The following TTN variants were observed in gnomAD, a reference collection of about 807,000 sequenced individuals.
The protein encoded by TTN is connectin.
Under a neutral mutation model 3,223.0 loss-of-function variants are expected in TTN, and 1,525 were observed. That is an observed-to-expected ratio of 0.47 (90% CI 0.45 to 0.49). The LOEUF is 0.49. Among genes scored for constraint, TTN ranks in the 20% least tolerant of loss-of-function variants. TTN has a pLI of 0.00. For missense variants in TTN, 40,786 were observed against 43,424.0 expected (o/e 0.94, Z 5.40); for synonymous variants, 14,094 against 15,161.0 (o/e 0.93, Z 5.17).
intron 130 of TTN, 78 bp downstream of exon 130, chr2:178,684,828 T>C: frequency 6.4e-7 from 1 of 1,555,636 alleles, no homozygotes; most frequent in Non-Finnish European, 8.8e-7. Flanking sequence ...TTCTGGTTAA[T>C]GTTTAAAAAA....
In TTN at chr2:178,614,768, A is replaced by G. The variant is rs936229626; in HGVS notation, c.48761-15T>C. ...TTCTGGGGCCTCTGAATTGGAAAAG[A>G]TTATTTATGATGTTATCAAGTTCAA... On this transcript the variant is annotated splice_polypyrimidine_tract_variant and intron_variant, in intron 260 of 362. Transcript: ENST00000589042. 1 of 1,603,206 alleles carries G rather than the reference A, an allele frequency of 6.2e-7. No homozygotes were observed.
chr2:178,710,911 G>A lies in TTN; in HGVS notation c.28186C>T (p.Pro9396Ser), dbSNP rs376627952. ...ARLILTEGKN[P>S]PFFDIRLAPV... ...GCAAGACGGATGTCAAAGAAGGGTG[G>A]GTTCTTCCCCTCTAATAGTAGAGCA... Residue 9396 changes from proline (P) to serine (S), a missense_variant, in exon 98 of 363, where the codon CCA (proline) becomes TCA (serine). Pro to Ser is a moderately conservative substitution (Grantham distance 74). Coordinates refer to ENST00000589042, the MANE Select transcript of TTN (RefSeq NM_001267550.2). The A allele has an allele frequency of 1.9e-6, 3 of 1,612,766 alleles. No homozygotes were observed. In the African/African-American group the frequency reaches 4.0e-5, roughly 22 times the overall value.
intron 157 of TTN, 132 bp from the exon 158 acceptor site, chr2:178,669,807 G>T: frequency 1.2e-6 from 1 of 834,938 alleles, no homozygotes; most frequent in Non-Finnish European, 1.9e-6. Flanking sequence ...TAAGTCAAAT[G>T]TAGTCATTGC....
In TTN at chr2:178,612,045, T is replaced by C; in HGVS notation, c.50354+12A>G. On this transcript the variant is annotated intron_variant, in intron 267 of 362. Transcript: ENST00000589042. ...GTGTAAGTTATTCTTTATGAATTAA[T>C]TCAAATTCTACCTCTGTATTGGTCT... 1 of 1,604,254 alleles carries C rather than the reference T, an allele frequency of 6.2e-7. No homozygotes were observed. The highest frequency in any genetic ancestry group is 8.5e-7 in the Non-Finnish European group (1 of 1,176,414).
At position 178,728,555 on chromosome 2, in the gene TTN, G is replaced by A; in HGVS notation, c.19371C>T (p.Phe6457=). The A allele has an allele frequency of 6.2e-7, 1 of 1,613,006 alleles. No homozygotes were observed. Among genetic ancestry groups the A allele is most frequent in the South Asian group, 1.1e-5 (1 of 91,002 alleles). Residue 6457 remains phenylalanine, a synonymous_variant, in exon 66 of 363, where the codon TTC becomes TTT. Coordinates refer to ENST00000589042, the MANE Select transcript of TTN (RefSeq NM_001267550.2). The part of the protein sequence containing the change: ...VMKQDSGQYT[F]KVENDFGSSS... ...TGCTTCCGAAGTCATTTTCCACCTT[G>A]AAAGTGTACTGACCGCTGTCCTGCT...
chr2:178,802,393 C>T, intron 2 of TTN, 52 bp from the exon 3 acceptor site: 1 of 1,569,444 alleles, frequency 6.4e-7, no homozygotes. Flanking sequence ...CCACAAAGTC[C>T]TCTGCTCTGT....
intron 47 of TTN, chr2:178,744,922 T>C (rs1264679412): frequency 1.0e-6 from 1 of 985,100 alleles, no homozygotes; most frequent in African/African-American, 1.7e-5. Context: ...GCACAATTGG[T>C]CCCTTGAAGC....
At position 178,618,837 on chromosome 2, in the gene TTN, C is replaced by T; in HGVS notation, c.46713G>A (p.Lys15571=). 6.2e-7 allele frequency: 1 copy of T among 1,609,650 alleles called. No homozygotes were observed. The highest frequency in any genetic ancestry group is 8.5e-7 in the Non-Finnish European group (1 of 1,178,420). ...CAACCACAAGGTCTTGGTCAGCTGT[C>T]TTGATTTTTGGTGCAGCTAGTGAGA... The part of the protein sequence containing the change: ...KLELAAAPKI[K]TADQDLVVDV... The change falls in exon 251 of 363, where the codon AAG becomes AAA. Residue 15571 remains lysine (K), a synonymous_variant. Transcript: ENST00000589042.
At chr2:178,717,461 C>T (rs2077660187) in intron 87 of TTN, 62 bp downstream of exon 87, 2 of 1,560,162 alleles carry the variant, frequency 1.3e-6, no homozygotes, top group South Asian at 1.2e-5. Context: ...TGGCACCAGC[C>T]TTTTGGTGGC....
chr2:178,636,250 A>G lies in TTN; in HGVS notation c.41330-9T>C. 1 of 1,524,258 alleles carries G rather than the reference A, an allele frequency of 6.6e-7. No individual in the cohort carries two copies. The highest frequency in any genetic ancestry group is 8.8e-7 in the Non-Finnish European group (1 of 1,136,098). 94.4% of individuals were successfully genotyped at this position (1,524,258 alleles called of 1,614,324 possible). A position where few individuals can be genotyped will look rare whatever the true frequency, so the allele number is the denominator to read the frequency against. ...AAAACGCACAGGAAGTTCTATGGAG[A>G]ATTTCAGTATATATTTCAATAAATA... On this transcript the variant is annotated splice_polypyrimidine_tract_variant and intron_variant, in intron 225 of 362. Coordinates refer to ENST00000589042, the MANE Select transcript of TTN (RefSeq NM_001267550.2). The surrounding 1 kb of genome is among the most constrained non-coding windows in gnomAD (Gnocchi z 4.3).
In TTN at chr2:178,583,859, A is replaced by T. The variant is rs2048324718; in HGVS notation, c.65323T>A (p.Ser21775Thr). 1 of 1,607,004 alleles carries T rather than the reference A, an allele frequency of 6.2e-7. No homozygotes were observed. The highest frequency in any genetic ancestry group is 8.5e-7 in the Non-Finnish European group (1 of 1,176,194). ...TGCTTTGGACGAGCCCAGATCAGAG[A>T]TACAGTACTCTTGGTGACATCAATA... is the stretch of plus-strand genomic sequence containing the variant. ...EVIDVTKSTV[S>T]LIWARPKHDG... Residue 21775 changes from serine to threonine, a missense_variant, in exon 312 of 363, where the codon TCT (serine) becomes ACT (threonine). Ser to Thr is a moderately conservative substitution (Grantham distance 58). Transcript: ENST00000589042.
chr2:178,756,942 A>G (rs2087208221), intron 45 of TTN, 145 bp from the exon 46 acceptor site: 2 of 737,006 alleles, frequency 2.7e-6, no homozygotes, highest in East Asian at 2.7e-5. Context: ...ATGCAATATG[A>G]TCTAGATGTC....
chr2:178,549,805 C>G lies in TTN; in HGVS notation c.91917G>C (p.Leu30639=), dbSNP rs758196170. Residue 30639 remains leucine (L), a synonymous_variant, in exon 338 of 363, where the codon CTG becomes CTC. Transcript: ENST00000589042. ...FTNITGEKMT[L]WWDAPLNDGC... The stretch of plus-strand genomic sequence containing the variant: ...CGTCATTGAGTGGGGCATCCCACCA[C>G]AGAGTCATCTTCTCCCCAGTAATAT... 4 of 1,608,138 alleles carry G rather than the reference C, an allele frequency of 2.5e-6. No individual in the cohort carries two copies. The highest frequency in any genetic ancestry group is 3.4e-6 in the Non-Finnish European group (4 of 1,175,476).
Position 178,534,591 on chromosome 2 carries a change from T to C in TTN, c.102024A>G (p.Leu34008=), listed in dbSNP as rs727504677. The change falls in exon 358 of 363, where the codon CTA becomes CTG. Residue 34008 remains leucine, a synonymous_variant. Coordinates refer to ENST00000589042, the MANE Select transcript of TTN (RefSeq NM_001267550.2). ...CCAGGAATGGGTTGATACCACTCAA[T>C]AGCACATATACCAGTGTTCCAAGTG... ...MWSLGTLVYV[L]LSGINPFLAE... The C allele has an allele frequency of 5.8e-5, 94 of 1,613,896 alleles. 2 individuals carry two copies. The highest frequency in any genetic ancestry group is 3.6e-4 in the South Asian group (33 of 91,086).
At position 178,667,652 on chromosome 2, in the gene TTN, G is replaced by A; in HGVS notation, c.35615C>T (p.Pro11872Leu). The part of the protein sequence containing the change: ...VLVTQPQKTK[P>L]KLAKVPEPPK... Reference sequence around the variant, plus strand: ...GTGTTATATACCTTTTGCTAGTTTGGGTTTTGTCTTTTGAGGTTGAGTCAC... The same window carrying A: ...GTGTTATATACCTTTTGCTAGTTTGAGTTTTGTCTTTTGAGGTTGAGTCAC... Residue 11872 changes from proline (P) to leucine (L), a missense_variant, in exon 160 of 363, where the codon CCC becomes CTC. Physicochemically the swap from Pro to Leu is moderately conservative, Grantham distance 98. Coordinates refer to ENST00000589042, the MANE Select transcript of TTN (RefSeq NM_001267550.2). The A allele has an allele frequency of 6.3e-7, 1 of 1,596,398 alleles. No homozygotes were observed. The highest frequency in any genetic ancestry group is 8.5e-7 in the Non-Finnish European group (1 of 1,178,762).
intron 100 of TTN, among the ~76,000 whole-genome samples, 191 bp downstream of exon 100, chr2:178,707,335 G>C (rs1316855594): frequency 6.6e-6 from 1 of 152,166 alleles, no homozygotes. Context: ...AGTAATTTCA[G>C]ATACTTTGTA....
In TTN at chr2:178,616,869, T is replaced by G; in HGVS notation, c.48020A>C (p.Asp16007Ala). The G allele has an allele frequency of 6.2e-7, 1 of 1,612,686 alleles. No individual in the cohort carries two copies. The highest frequency in any genetic ancestry group is 8.5e-7 in the Non-Finnish European group (1 of 1,179,166). Residue 16007 changes from aspartate to alanine, a missense_variant, in exon 256 of 363, where the codon GAC becomes GCC. Asp to Ala is a moderately radical substitution (Grantham distance 126). Transcript: ENST00000589042. ...AGACAAGGTCTTCATTTTCACCCGG[T>G]CCCCTGTTTCTAGTACTTTATCTCC... ...CFGDKVLETG[D>A]RVKMKTLSAY...
In TTN at chr2:178,724,274, A is replaced by T. The variant is rs1409920305; in HGVS notation, c.21101T>A (p.Val7034Glu). 6.2e-7 allele frequency: 1 copy of T among 1,612,934 alleles called. No homozygotes were observed. Among genetic ancestry groups the T allele is most frequent in the African/African-American group, 1.3e-5 (1 of 74,976 alleles). ...NNVGKSSCTAVVDVSDRAVPP... is the reference protein window; with the variant it reads ...NNVGKSSCTAEVDVSDRAVPP... ...GCAGAACTAACCTGAAACATCAACCACAGCTGTGCAGCTGCTTTTCCCAAC... is the reference window on the plus strand; with the variant it reads ...GCAGAACTAACCTGAAACATCAACCTCAGCTGTGCAGCTGCTTTTCCCAAC... Residue 7034 changes from valine (V) to glutamate (E), a missense_variant, in exon 72 of 363, where the codon GTG becomes GAG. Coordinates refer to ENST00000589042, the MANE Select transcript of TTN (RefSeq NM_001267550.2).
intron 282 of TTN, among the ~76,000 whole-genome samples, 186 bp downstream of exon 282, chr2:178,603,690 A>ATATC (rs1176929259): frequency 1.3e-5 from 2 of 151,990 alleles, no homozygotes; most frequent in African/African-American, 2.4e-5. Context: ...GTGTATGTAT[A>ATATC]TATCTGTGCA....
Sources: allele counts gnomAD v4.1 joint callset (sites outside exome capture counted in the v4.1 genomes callset), GRCh38; gene constraint gnomAD v4.1.1; non-coding constraint Gnocchi (gnomAD v3.1); transcripts MANE v1.5; gene names NCBI Gene and HGNC (gene_info 2026-07-23, HGNC 2026-07-21).